AVEN: variants seen among roughly 807,000 people sequenced by gnomAD.
The protein encoded by AVEN is cell death regulator Aven.
In AVEN, 41 loss-of-function variants were observed where a neutral mutation model predicts 38.1. The ratio of observed to expected loss-of-function variants is 1.08; its 90% CI spans 0.84 to 1.40. AVEN has a LOEUF of 1.40. Ranked by LOEUF, AVEN falls within the 40% of genes most tolerant of loss-of-function variation. The pLI is 0.00. For synonymous variants in AVEN, 206 were observed against 171.8 expected (o/e 1.20, Z -1.56); for missense variants, 605 against 438.8 (o/e 1.38, Z -3.38).
chr15:33,955,629 T>A (rs1213180246), intron 2 of AVEN, among the ~76,000 whole-genome samples: 1 of 152,096 alleles, frequency 6.6e-6, no homozygotes, highest in Non-Finnish European at 1.5e-5. Flanking sequence ...GAGGCAGAAG[T>A]CATAGGAAGA....
chr15:33,905,826 G>A (rs1364549518), intron 2 of AVEN, among the ~76,000 whole-genome samples: 79 of 143,086 alleles, frequency 5.5e-4, no homozygotes, highest in African/African-American at 5.5e-4. Context: ...TTTCGGGAAA[G>A]AAAAAAAAAA....
At chr15:33,986,096 TTTTTTTTG>T (rs1896440637) in intron 2 of AVEN, among the ~76,000 whole-genome samples, 1 of 17,142 alleles carries the variant, frequency 5.8e-5, no homozygotes, top group Non-Finnish European at 3.9e-3. Flanking sequence ...CTGTAAATTT[TTTTTTTTG>T]TTTTTTGTTT....
intron 2 of AVEN, among the ~76,000 whole-genome samples, chr15:33,930,615 G>T (rs1893805452): frequency 6.6e-6 from 1 of 152,136 alleles, no homozygotes; most frequent in Admixed American, 6.5e-5. Flanking sequence ...CCAAAATTAA[G>T]ATTATCATGT....
chr15:34,027,544 A>T (rs1898542767), intron 1 of AVEN, among the ~76,000 whole-genome samples: 1 of 151,564 alleles, frequency 6.6e-6, no homozygotes, highest in Non-Finnish European at 1.5e-5. Flanking sequence ...AAAAAAAAGA[A>T]AGAAAACGAA....
chr15:33,941,696 C>T (rs896883776), intron 2 of AVEN, among the ~76,000 whole-genome samples: 1 of 151,974 alleles, frequency 6.6e-6, no homozygotes, highest in Non-Finnish European at 1.5e-5. Context: ...AGCCTTAAGA[C>T]ATATCCTATG....
chr15:33,887,299 T>C (rs939195851), intron 2 of AVEN, among the ~76,000 whole-genome samples: 2 of 152,212 alleles, frequency 1.3e-5, no homozygotes, highest in Non-Finnish European at 1.5e-5. Flanking sequence ...TTGTGCTCAC[T>C]AAACCATGAG....
chr15:34,050,421 C>T (rs1369414575), intron 5 of AVEN, among the ~76,000 whole-genome samples: 1 of 152,166 alleles, frequency 6.6e-6, no homozygotes, highest in Admixed American at 6.5e-5. Flanking sequence ...AGACCAGTGA[C>T]ATTATGAAGC....
intron 1 of AVEN, among the ~76,000 whole-genome samples, chr15:34,003,822 T>G (rs1476864095): frequency 2.0e-5 from 3 of 152,246 alleles, no homozygotes; most frequent in South Asian, 4.1e-4. Context: ...TACATTTGTT[T>G]TAGTACTTCT....
upstream of AVEN, among the ~76,000 whole-genome samples, chr15:34,043,498 A>G (rs1373443767): frequency 1.3e-5 from 2 of 152,116 alleles, no homozygotes; most frequent in African/African-American, 4.8e-5. Context: ...TTTATTTACT[A>G]TGTTGTTTTG....
rs1368505531 is a variant in AVEN, at chr15:34,038,762, C to G, written c.267+18G>C. The stretch of plus-strand genomic sequence containing the variant: ...CCAGTTACACGCGGTCCCAGCCCCA[C>G]CAGCCGTCGCCTCTTACCGGCGCGC... On this transcript the variant is annotated intron_variant, in intron 1 of 5. Coordinates refer to ENST00000306730, the MANE Select transcript of AVEN (RefSeq NM_020371.3). 2.9e-5 allele frequency: 34 copies of G among 1,163,648 alleles called. No homozygotes were observed. Among genetic ancestry groups the G allele is most frequent in the Middle Eastern group, 3.5e-4 (1 of 2,834 alleles). 72.1% of individuals were successfully genotyped at this position (1,163,648 alleles called of 1,614,324 possible). A position where few individuals can be genotyped will look rare whatever the true frequency, so the allele number is the denominator to read the frequency against.
At chr15:34,000,664 G>A (rs1897103600) in intron 2 of AVEN, among the ~76,000 whole-genome samples, 1 of 152,164 alleles carries the variant, frequency 6.6e-6, no homozygotes, top group African/African-American at 2.4e-5. Context: ...TTTATTATCA[G>A]AGAATGAAGT....
At chr15:33,993,379 T>G (rs559164317) in intron 2 of AVEN, among the ~76,000 whole-genome samples, 31 of 152,210 alleles carry the variant, frequency 2.0e-4, no homozygotes, top group Admixed American at 1.8e-3. Context: ...AAGTATGACT[T>G]TGAACAACCG....
intron 2 of AVEN, among the ~76,000 whole-genome samples, chr15:33,884,350 T>C (rs1359400934): frequency 1.3e-5 from 2 of 152,214 alleles, no homozygotes; most frequent in Admixed American, 6.5e-5. Context: ...AGAATTCCTC[T>C]TTTTAGGAAA....
intron 2 of AVEN, among the ~76,000 whole-genome samples, chr15:33,900,854 T>C (rs1892467310): frequency 6.6e-6 from 1 of 152,196 alleles, no homozygotes; most frequent in South Asian, 2.1e-4. Context: ...TTTTCTTCAG[T>C]AGTAACCTTG....
chr15:34,043,559 T>C (rs572300292), upstream of AVEN, among the ~76,000 whole-genome samples: 1 of 152,288 alleles, frequency 6.6e-6, no homozygotes, highest in African/African-American at 2.4e-5. Flanking sequence ...GGGGAGAGAC[T>C]CTGGCATGAG....
intron 2 of AVEN, among the ~76,000 whole-genome samples, chr15:33,915,748 G>A (rs1018018789): frequency 6.6e-6 from 1 of 152,216 alleles, no homozygotes; most frequent in Non-Finnish European, 1.5e-5. Context: ...AAACCTGAAA[G>A]CCCTGTTTGG....
At chr15:33,973,622 G>A (rs990646938) in intron 2 of AVEN, among the ~76,000 whole-genome samples, 5 of 152,078 alleles carry the variant, frequency 3.3e-5, no homozygotes, top group Non-Finnish European at 5.9e-5. Flanking sequence ...CTGGAGGATC[G>A]CTTGAGGCCA....
At chr15:34,004,854 T>A (rs1463505982) in intron 1 of AVEN, among the ~76,000 whole-genome samples, 2 of 152,112 alleles carry the variant, frequency 1.3e-5, no homozygotes, top group East Asian at 3.8e-4. Context: ...GAGATGCATG[T>A]AGAATCTAAA....
chr15:33,865,201 A>C (rs1284183511), downstream of AVEN: 1 of 1,613,620 alleles, frequency 6.2e-7, no homozygotes, highest in Non-Finnish European at 8.5e-7. Flanking sequence ...TGCTTTCGTA[A>C]ACAATATGAA....
Sources: allele counts gnomAD v4.1 joint callset (sites outside exome capture counted in the v4.1 genomes callset), GRCh38; gene constraint gnomAD v4.1.1; transcripts MANE v1.5; gene names NCBI Gene and HGNC (gene_info 2026-07-23, HGNC 2026-07-21).